RELN: variants seen among roughly 807,000 people sequenced by gnomAD.
RELN encodes the protein reelin.
RELN carries 108 observed loss-of-function variants against 427.6 expected under a neutral mutation model. The ratio of observed to expected loss-of-function variants is 0.25; its 90% CI spans 0.22 to 0.30. The LOEUF is 0.30. Ranked by LOEUF, RELN falls within the 10% of genes least tolerant of loss-of-function variation. The pLI, the probability that RELN is intolerant of heterozygous loss-of-function variation, is 1.00. For synonymous variants in RELN, 1,524 were observed against 1,513.4 expected (o/e 1.01, Z -0.16); for missense variants, 3,715 against 4,302.8 (o/e 0.86, Z 3.82).
At chr7:103,515,579 C>CA in intron 49 of RELN, 138 bp from the exon 50 acceptor site, 1 of 1,090,428 alleles carries the variant, frequency 9.2e-7, no homozygotes, top group Non-Finnish European at 1.3e-6. Flanking sequence ...AAATAATTTT[C>CA]AAAAACCACG....
intron 8 of RELN, among the ~76,000 whole-genome samples, chr7:103,706,341 T>G (rs2115823852): frequency 6.6e-6 from 1 of 152,182 alleles, no homozygotes; most frequent in Middle Eastern, 3.4e-3. Flanking sequence ...AATTGTGCAG[T>G]TCCAAGCATT....
chr7:103,792,660 T>G (rs527866412), intron 3 of RELN, among the ~76,000 whole-genome samples: 1 of 152,204 alleles, frequency 6.6e-6, no homozygotes, highest in African/African-American at 2.4e-5. Flanking sequence ...TTTATAATTG[T>G]GAAACTTTTA....
At chr7:103,616,994 T>C (rs1832095105) in intron 20 of RELN, among the ~76,000 whole-genome samples, 1 of 152,148 alleles carries the variant, frequency 6.6e-6, no homozygotes, top group Admixed American at 6.5e-5. Flanking sequence ...TCCAAAAAGA[T>C]TGCACCAAGT....
chr7:103,630,429 G>C (rs996430908), intron 19 of RELN, among the ~76,000 whole-genome samples: 16 of 152,124 alleles, frequency 1.1e-4, no homozygotes, highest in Admixed American at 9.8e-4. Context: ...CAAAGTGACA[G>C]TATTCATCAT....
chr7:103,987,202 A>G lies in RELN; in HGVS notation c.226+1929T>C, dbSNP rs575144003. On this transcript the variant is annotated intron_variant, in intron 1 of 64. Transcript: ENST00000428762. ...AATTCTCAAAGCTTATAATAATTTG[A>G]CCTTTCATAACTTACATAATACAAT... is the stretch of plus-strand genomic sequence containing the variant. Among the ~76,000 whole-genome samples the G allele has an allele frequency of 2.6e-5, 4 of 152,276 alleles. No individual in the cohort carries two copies. The South Asian group carries it at 6.2e-4, about 24-fold the overall frequency.
chr7:103,922,898 A>AATAC (rs112173516), intron 1 of RELN, among the ~76,000 whole-genome samples: 23,037 of 152,054 alleles, frequency 0.15, 3,891 homozygotes, highest in African/African-American at 0.41. Context: ...GCAGAAAAGA[A>AATAC]ATTAAGTAAT....
At chr7:103,708,044 T>C (rs955428142) in intron 8 of RELN, among the ~76,000 whole-genome samples, 3 of 152,200 alleles carry the variant, frequency 2.0e-5, no homozygotes, top group African/African-American at 4.8e-5. Context: ...TATTGTAAAC[T>C]TGGTCTGATC....
chr7:103,859,625 A>G (rs966161481), intron 2 of RELN, among the ~76,000 whole-genome samples: 40 of 152,188 alleles, frequency 2.6e-4, no homozygotes, highest in African/African-American at 9.4e-4. Flanking sequence ...CGAAGATTTG[A>G]TTAAAGATAA....
At chr7:103,957,745 T>C (rs17157643) in intron 1 of RELN, among the ~76,000 whole-genome samples, 3 of 152,188 alleles carry the variant, frequency 2.0e-5, no homozygotes, top group Non-Finnish European at 4.4e-5. Context: ...TAAGGCTTTT[T>C]AGATTTCAGA....
intron 1 of RELN, among the ~76,000 whole-genome samples, chr7:103,920,194 T>C (rs1289509554): frequency 6.6e-6 from 1 of 152,200 alleles, no homozygotes; most frequent in Non-Finnish European, 1.5e-5. Context: ...ATAGTGATTG[T>C]CACTTTAAAA....
intron 1 of RELN, among the ~76,000 whole-genome samples, chr7:103,981,374 C>T (rs1796987910): frequency 6.6e-6 from 1 of 152,196 alleles, no homozygotes; most frequent in African/African-American, 2.4e-5. Context: ...ACATAAAATG[C>T]ACTATCTTTG....
chr7:103,613,859 TAA>T (rs1034878899), intron 20 of RELN, among the ~76,000 whole-genome samples: 1 of 152,182 alleles, frequency 6.6e-6, no homozygotes, highest in African/African-American at 2.4e-5. Flanking sequence ...TGAAATAACT[TAA>T]GATTATTTTT....
intron 4 of RELN, among the ~76,000 whole-genome samples, chr7:103,769,557 T>C (rs959816011): frequency 1.3e-5 from 2 of 152,108 alleles, no homozygotes; most frequent in Non-Finnish European, 2.9e-5. Context: ...GCAGCACAAA[T>C]AAGACAATCC....
chr7:103,785,465 A>G (rs1278987483), intron 3 of RELN, among the ~76,000 whole-genome samples: 2 of 152,168 alleles, frequency 1.3e-5, no homozygotes, highest in Non-Finnish European at 2.9e-5. Context: ...AGTGGACTCA[A>G]AGAAAGAGCA....
At chr7:103,583,049 C>T (rs1369640950) in intron 28 of RELN, among the ~76,000 whole-genome samples, 1 of 152,132 alleles carries the variant, frequency 6.6e-6, no homozygotes, top group Admixed American at 6.5e-5. Flanking sequence ...TTTTCATTCA[C>T]ATTTCATTTA....
intron 2 of RELN, among the ~76,000 whole-genome samples, chr7:103,835,502 C>A (rs1793378291): frequency 1.3e-5 from 2 of 152,142 alleles, no homozygotes; most frequent in Admixed American, 1.3e-4. Context: ...GTACCACATT[C>A]TGAGGCAGGA....
At position 103,989,563 on chromosome 7, in the gene RELN, G is replaced by GA; in HGVS notation, c.-208dup. The GA allele has an allele frequency of 2.3e-6, 1 of 438,200 alleles. No individual in the cohort carries two copies. The highest frequency in any genetic ancestry group is 3.8e-6 in the Non-Finnish European group (1 of 262,374). 27.1% of individuals were successfully genotyped at this position (438,200 alleles called of 1,614,324 possible). The stretch of plus-strand genomic sequence containing the variant: ...CTCCCAAAGTTACTTTGGGCCGCGG[G>GA]AGCGCGGGACCGGGGCTGCGGGCGC... On this transcript the variant is annotated 5_prime_UTR_variant, in exon 1 of 65. Transcript: ENST00000428762. The surrounding 1 kb of genome is among the most constrained non-coding windows in gnomAD (Gnocchi z 4.9).
intron 28 of RELN, among the ~76,000 whole-genome samples, chr7:103,576,708 C>T (rs1027225850): frequency 4.6e-5 from 7 of 152,052 alleles, no homozygotes; most frequent in African/African-American, 2.4e-5. Flanking sequence ...TATTCACCTG[C>T]GCCTTCCCTC....
rs371204873 is a variant in RELN at position 103,640,647 on chromosome 7, T to A, written c.2003-38A>T. 148 of 1,601,244 alleles carry A rather than the reference T, an allele frequency of 9.2e-5. 1 individual carries two copies. In the African/African-American group the frequency reaches 1.9e-3, roughly 20 times the overall value. ...AAAAGAGAACATAATTACAAAAACA[T>A]AGAACACTACCAGTACAATTTTGTG... On this transcript the variant is annotated intron_variant, in intron 16 of 64. Coordinates refer to ENST00000428762, the MANE Select transcript of RELN (RefSeq NM_005045.4). This position sits in a 1 kb window ranked among gnomAD's most constrained non-coding sequence, Gnocchi z 4.1.
Sources: allele counts gnomAD v4.1 joint callset (sites outside exome capture counted in the v4.1 genomes callset), GRCh38; gene constraint gnomAD v4.1.1; non-coding constraint Gnocchi (gnomAD v3.1); transcripts MANE v1.5; gene names NCBI Gene and HGNC (gene_info 2026-07-23, HGNC 2026-07-21).